Variants in HERC2 observed in about 807,000 individuals in gnomAD.
HERC2 encodes HECT and RLD domain containing E3 ubiquitin protein ligase 2.
HERC2 carries 102 observed loss-of-function variants against 537.7 expected under a neutral mutation model. The ratio of observed to expected loss-of-function variants is 0.19; its 90% CI spans 0.16 to 0.22. The LOEUF (loss-of-function observed/expected upper bound fraction) is 0.22. Among genes scored for constraint, HERC2 ranks in the 10% least tolerant of loss-of-function variants. HERC2 has a pLI of 1.00. For synonymous variants in HERC2, 2,224 were observed against 2,466.2 expected, an observed-to-expected ratio of 0.90 and a Z score of 2.91; for missense variants, 4,236 against 6,198.2, an observed-to-expected ratio of 0.68 and a Z score of 10.63.
intron 69 of HERC2, 77 bp from the exon 70 acceptor site, chr15:28,152,907 C>A: frequency 4.9e-6 from 7 of 1,419,124 alleles, no homozygotes; most frequent in Non-Finnish European, 6.7e-6. Flanking sequence ...CTCTGCCCGT[C>A]CTGCTCAGGA....
chr15:28,224,214 T>C (rs567581362), intron 35 of HERC2, among the ~76,000 whole-genome samples: 16 of 140,614 alleles, frequency 1.1e-4, no homozygotes, highest in South Asian at 4.7e-4. Context: ...GATAGAAAGA[T>C]TCCCCCCACC....
At position 28,254,629 on chromosome 15, in the gene HERC2, T is replaced by C. The variant is rs985687389; in HGVS notation, c.2872-111A>G. 1.7e-5 allele frequency: 11 copies of C among 650,680 alleles called. No individual in the cohort carries two copies. In the African/African-American group the frequency reaches 2.0e-4, roughly 12 times the overall value. The allele number at this position is 650,680 out of a possible 1,614,324, so 40.3% of individuals were successfully genotyped here. On this transcript the variant is annotated intron_variant, in intron 19 of 92. Transcript: ENST00000261609. ...GCCAAGCTATCCCAGCCTCTGTGGCTAATGCACACACCTACCCACAGGCCC... is the reference window on the plus strand; with the variant it reads ...GCCAAGCTATCCCAGCCTCTGTGGCCAATGCACACACCTACCCACAGGCCC...
chr15:28,262,064 C>A (rs1228585376), intron 15 of HERC2, among the ~76,000 whole-genome samples: 3 of 152,194 alleles, frequency 2.0e-5, no homozygotes, highest in Non-Finnish European at 4.4e-5. Context: ...CTGCCCACCC[C>A]TGAGAGAAGA....
At chr15:28,295,319 G>C (rs1000452818) in intron 3 of HERC2, among the ~76,000 whole-genome samples, 1 of 96,134 alleles carries the variant, frequency 1.0e-5, no homozygotes, top group African/African-American at 3.7e-5. Flanking sequence ...GGGGGGGGGG[G>C]AGTGGGGGGG....
At chr15:28,245,736 G>A (rs945380103) in intron 23 of HERC2, 145 bp downstream of exon 23, 1 of 740,724 alleles carries the variant, frequency 1.4e-6, no homozygotes, top group African/African-American at 1.8e-5. Context: ...TTCTGATTTG[G>A]ATTATCTCCA....
rs756823547 is a variant in HERC2, at chr15:28,270,714, C to T, written c.1238G>A (p.Ser413Asn). ...LATPCMPPLC[S>N]SPTSHKGSLQ... ...ACACACCTTATGAGATGTCGGAGAG[C>T]TACACAGCGGAGGCATACAGGGCGT... is the stretch of plus-strand genomic sequence containing the variant. Residue 413 changes from serine (S) to asparagine (N), a missense_variant, in exon 10 of 93, where the codon AGC becomes AAC. Coordinates refer to ENST00000261609, the MANE Select transcript of HERC2 (RefSeq NM_004667.6). 2 of 1,613,854 alleles carry T rather than the reference C, an allele frequency of 1.2e-6. No homozygotes were observed. The highest frequency in any genetic ancestry group is 3.3e-5 in the Admixed American group (2 of 59,998).
intron 83 of HERC2, among the ~76,000 whole-genome samples, chr15:28,129,780 C>CCT (rs1889907547): frequency 7.0e-6 from 1 of 143,552 alleles, no homozygotes; most frequent in Non-Finnish European, 1.5e-5. Context: ...CCTCTGCCTC[C>CCT]TTTTTTTTTT....
At position 28,288,773 on chromosome 15, in the gene HERC2, A is replaced by G. The variant is rs1217080177; in HGVS notation, c.322+4115T>C. On this transcript the variant is annotated intron_variant, in intron 4 of 92. Transcript: ENST00000261609. ...TGAGGCAGGAGACTCGCTTGAACCC[A>G]CGTGGGGGAGGTTGCAGTGAGCTGA... Among the ~76,000 whole-genome samples, 23 of 149,436 alleles carry G rather than the reference A, an allele frequency of 1.5e-4. No individual in the cohort carries two copies. The East Asian group carries it at 3.0e-3, about 20-fold the overall frequency.
chr15:28,320,258 G>T lies in HERC2; in HGVS notation c.72+1104C>A, dbSNP rs1472434201. 1.2e-3 allele frequency: 178 copies of T among 152,374 alleles called. 1 individual carries two copies. The highest frequency in any genetic ancestry group is 3.9e-3 in the African/African-American group (161 of 41,590). 9.4% of individuals were successfully genotyped at this position (152,374 alleles called of 1,614,324 possible). ...GCCTCCCGAGTGGCTGGGATTACAG[G>T]CATACACCACCACGCCTGGCTAATT... On this transcript the variant is annotated intron_variant, in intron 2 of 92. Transcript: ENST00000261609.
At chr15:28,186,797 T>C in intron 55 of HERC2, 45 bp from the exon 56 acceptor site, 1 of 1,409,164 alleles carries the variant, frequency 7.1e-7, no homozygotes, top group South Asian at 1.2e-5. Context: ...GAATCAAGCA[T>C]ATTAGATCCT....
intron 16 of HERC2, among the ~76,000 whole-genome samples, 196 bp downstream of exon 16, chr15:28,260,581 C>G (rs907651148): frequency 6.6e-6 from 1 of 152,206 alleles, no homozygotes; most frequent in African/African-American, 2.4e-5. Flanking sequence ...GAAACTGCCC[C>G]TCTATACAGA....
At chr15:28,254,931 C>T (rs1163375286) in intron 19 of HERC2, among the ~76,000 whole-genome samples, 4 of 152,204 alleles carry the variant, frequency 2.6e-5, no homozygotes, top group South Asian at 2.1e-4. Flanking sequence ...ACTATGAACA[C>T]GCACCTGCCC....
At chr15:28,130,684 G>C (rs1890017867) in intron 81 of HERC2, 90 bp from the exon 82 acceptor site, 1 of 926,892 alleles carries the variant, frequency 1.1e-6, no homozygotes, top group Admixed American at 1.8e-5. Flanking sequence ...AATCTAGTAA[G>C]AATTCTGAAA....
chr15:28,178,125 A>G (rs1487975749), intron 59 of HERC2, among the ~76,000 whole-genome samples: 1 of 148,446 alleles, frequency 6.7e-6, no homozygotes, highest in East Asian at 2.0e-4. Context: ...TTCCTTACCA[A>G]CAGAACCCCC....
intron 16 of HERC2, among the ~76,000 whole-genome samples, chr15:28,259,517 T>C (rs1292908596): frequency 6.6e-6 from 1 of 152,210 alleles, no homozygotes; most frequent in East Asian, 1.9e-4. Context: ...CATGCCAATA[T>C]TTTGTATAAG....
chr15:28,157,207 C>A (rs1324848856), intron 69 of HERC2, among the ~76,000 whole-genome samples: 5 of 151,286 alleles, frequency 3.3e-5, no homozygotes, highest in African/African-American at 1.2e-4. Flanking sequence ...GTGTAAAATT[C>A]TTTTTGTTGT....
At chr15:28,310,672 A>G (rs1199584372) in intron 2 of HERC2, among the ~76,000 whole-genome samples, 2 of 152,144 alleles carry the variant, frequency 1.3e-5, no homozygotes, top group Non-Finnish European at 2.9e-5. Flanking sequence ...TCACAGCTCC[A>G]TGTGGGCCGT....
At chr15:28,116,222 CTTTTTT>C (rs11365574) in intron 88 of HERC2, among the ~76,000 whole-genome samples, 1 of 126,510 alleles carries the variant, frequency 7.9e-6, no homozygotes, top group African/African-American at 2.7e-5. Context: ...TTTTCTTTTT[CTTTTTT>C]TTTTTTTTTT....
chr15:28,137,376 C>T (rs1198953532), intron 78 of HERC2, among the ~76,000 whole-genome samples: 3 of 152,302 alleles, frequency 2.0e-5, no homozygotes, highest in Admixed American at 6.5e-5. Context: ...TACTGTACCT[C>T]GCAGATACTG....
Sources: gnomAD v4.1 joint callset for allele counts (sites outside exome capture counted in the v4.1 genomes callset) on GRCh38, gnomAD v4.1.1 for gene constraint, MANE v1.5 for transcripts, NCBI Gene and HGNC (gene_info 2026-07-23, HGNC 2026-07-21) for gene names.